Variants in DLG2 observed in about 807,000 individuals in gnomAD.
DLG2 encodes the protein discs large MAGUK scaffold protein 2.
Under a neutral mutation model 132.5 loss-of-function variants are expected in DLG2, and 45 were observed. The ratio of observed to expected loss-of-function variants is 0.34; its 90% CI spans 0.27 to 0.44. The LOEUF is 0.44. Among genes scored for constraint, DLG2 ranks in the 20% least tolerant of loss-of-function variants. The probability of loss-of-function intolerance (pLI) is 1.00; values close to 1 mark genes in which losing one functional copy is unlikely to be tolerated. For synonymous variants in DLG2, 424 were observed against 419.6 expected (o/e 1.01, Z -0.13); for missense variants, 1,045 against 1,196.9 (o/e 0.87, Z 1.87).
At chr11:84,734,961 A>G (rs2063635981) in intron 6 of DLG2, among the ~76,000 whole-genome samples, 1 of 152,272 alleles carries the variant, frequency 6.6e-6, no homozygotes, top group East Asian at 1.9e-4. Flanking sequence ...CGTATGTTGA[A>G]CCAGCCTTGC....
At chr11:85,012,828 A>C (rs2059260817) in intron 6 of DLG2, among the ~76,000 whole-genome samples, 2 of 152,170 alleles carry the variant, frequency 1.3e-5, no homozygotes, top group Non-Finnish European at 2.9e-5. Context: ...TTTGGAGTAT[A>C]AAAAACTTGA....
chr11:84,830,960 C>CCG lies in DLG2; in HGVS notation c.357+280700_357+280701insCG, dbSNP rs1555246492. 1.0e-4 allele frequency among the ~76,000 whole-genome samples: 11 copies of CCG among 106,022 alleles called. 1 individual carries two copies. The South Asian group carries it at 4.3e-3, about 42-fold the overall frequency. 69.6% of individuals were successfully genotyped at this position (106,022 alleles called of 152,430 possible). On this transcript the variant is annotated intron_variant, in intron 6 of 27. Coordinates refer to ENST00000376104, the MANE Select transcript of DLG2 (RefSeq NM_001142699.3). ...CAGTCTCTCTCTCTCCTCCCCCCACCCCCCCCAGCTCTGTCTCTATTTCTT... is the reference window on the plus strand; with the variant it reads ...CAGTCTCTCTCTCTCCTCCCCCCACCCGCCCCCCAGCTCTGTCTCTATTTCTT...
At position 83,780,944 on chromosome 11, in the gene DLG2, A is replaced by G. The variant is rs187555851; in HGVS notation, c.1825+5746T>C. Reference sequence around the variant, plus strand: ...CAGGGTCTCCAAGTATGTTAGGGCAACGCCTCACAAACTCTAATGTGCATA... The same window carrying G: ...CAGGGTCTCCAAGTATGTTAGGGCAGCGCCTCACAAACTCTAATGTGCATA... On this transcript the variant is annotated intron_variant, in intron 18 of 27. Coordinates refer to ENST00000376104, the MANE Select transcript of DLG2 (RefSeq NM_001142699.3). Among the ~76,000 whole-genome samples, 16 of 152,232 alleles carry G rather than the reference A, an allele frequency of 1.1e-4. No individual in the cohort carries two copies. In the East Asian group the frequency reaches 2.7e-3, roughly 26 times the overall value.
At chr11:85,600,222 C>G (rs1325380329) in intron 2 of DLG2, among the ~76,000 whole-genome samples, 3 of 152,158 alleles carry the variant, frequency 2.0e-5, no homozygotes, top group Non-Finnish European at 4.4e-5. Context: ...CTCTCTTGAG[C>G]ACTGGAATAT....
At chr11:85,242,541 A>G (rs1487142834) in intron 4 of DLG2, among the ~76,000 whole-genome samples, 3 of 150,922 alleles carry the variant, frequency 2.0e-5, no homozygotes, top group African/African-American at 4.9e-5. Flanking sequence ...TGGTACCTCA[A>G]TTTCTATTCT....
intron 7 of DLG2, among the ~76,000 whole-genome samples, chr11:84,262,630 G>C (rs1453412317): frequency 6.6e-6 from 1 of 151,938 alleles, no homozygotes; most frequent in South Asian, 2.1e-4. Context: ...CGCATCACTC[G>C]AGCAGTATAC....
chr11:83,521,794 G>A (rs1295793646), intron 21 of DLG2, among the ~76,000 whole-genome samples: 2 of 151,972 alleles, frequency 1.3e-5, no homozygotes, highest in East Asian at 3.9e-4. Flanking sequence ...CAATTCCTAG[G>A]ATGTAGGCTC....
At chr11:84,398,176 AAT>A (rs1297041230) in intron 7 of DLG2, among the ~76,000 whole-genome samples, 1 of 152,216 alleles carries the variant, frequency 6.6e-6, no homozygotes, top group Non-Finnish European at 1.5e-5. Context: ...TCGAAAAACA[AAT>A]ATGATTGTGA....
chr11:85,289,717 C>T (rs890047613), intron 3 of DLG2, among the ~76,000 whole-genome samples: 5 of 152,050 alleles, frequency 3.3e-5, no homozygotes, highest in East Asian at 1.9e-4. Flanking sequence ...CTATATTTAA[C>T]GATGTTGCAA....
intron 4 of DLG2, among the ~76,000 whole-genome samples, chr11:85,240,042 A>G (rs1048309663): frequency 1.3e-5 from 2 of 151,848 alleles, no homozygotes; most frequent in African/African-American, 2.4e-5. Flanking sequence ...GCTATTCTAC[A>G]TCTCCTTCTT....
intron 8 of DLG2, among the ~76,000 whole-genome samples, chr11:84,243,472 G>A (rs922618661): frequency 6.6e-6 from 1 of 152,174 alleles, no homozygotes; most frequent in Non-Finnish European, 1.5e-5. Context: ...TATCTCAACT[G>A]CAGGCCAAAA....
chr11:85,021,456 A>T, intron 6 of DLG2: 1 of 1,417,640 alleles, frequency 7.1e-7, no homozygotes, highest in African/African-American at 1.4e-5. Context: ...CTCCTGCTAC[A>T]GCAGCCCGGG....
At chr11:85,134,624 AATT>A (rs1290779188) in intron 5 of DLG2, among the ~76,000 whole-genome samples, 1 of 150,072 alleles carries the variant, frequency 6.7e-6, no homozygotes, top group South Asian at 2.1e-4. Flanking sequence ...ACTTTTCATG[AATT>A]ATTGAGGTTC....
intron 19 of DLG2, among the ~76,000 whole-genome samples, chr11:83,571,344 T>TA (rs5793073): frequency 0.48 from 71,682 of 150,304 alleles, 17,593 homozygotes; most frequent in Admixed American, 0.57. Context: ...AGTTAAAAAT[T>TA]AAAAAAAAAA....
rs144925421 is a variant in DLG2 at position 84,488,078 on chromosome 11, T to C, written c.519+46492A>G. ...TCTTTGTGTTCTCTTTCTCTCACTTTACTGAAAGAAACTTCCAGCATTGCC... is the reference window on the plus strand; with the variant it reads ...TCTTTGTGTTCTCTTTCTCTCACTTCACTGAAAGAAACTTCCAGCATTGCC... On this transcript the variant is annotated intron_variant, in intron 7 of 27. Transcript: ENST00000376104. Among the ~76,000 whole-genome samples, 707 of 152,278 alleles carry C rather than the reference T, an allele frequency of 4.6e-3. 3 individuals carry two copies. Among genetic ancestry groups the C allele is most frequent in the Non-Finnish European group, 6.8e-3 (465 of 68,020 alleles).
intron 10 of DLG2, among the ~76,000 whole-genome samples, chr11:84,090,369 G>A (rs778245085): frequency 2.2e-5 from 3 of 134,704 alleles, no homozygotes; most frequent in Non-Finnish European, 4.5e-5. Flanking sequence ...AGCCAAGATC[G>A]CACCATTGCA....
At chr11:84,148,240 T>C (rs867903156) in intron 9 of DLG2, among the ~76,000 whole-genome samples, 2 of 152,294 alleles carry the variant, frequency 1.3e-5, no homozygotes, top group African/African-American at 4.8e-5. Flanking sequence ...TTACTGTAGA[T>C]TCCAGGGGAC....
At chr11:84,807,108 A>G (rs2076081890) in intron 6 of DLG2, among the ~76,000 whole-genome samples, 1 of 152,160 alleles carries the variant, frequency 6.6e-6, no homozygotes, top group South Asian at 2.1e-4. Context: ...GCAAAATAAA[A>G]AAGCAGAGAA....
At chr11:84,287,749 C>T (rs1379315837) in intron 7 of DLG2, among the ~76,000 whole-genome samples, 1 of 148,468 alleles carries the variant, frequency 6.7e-6, no homozygotes, top group Non-Finnish European at 1.5e-5. Flanking sequence ...TAGACACACA[C>T]ACACACACAC....
Sources: gnomAD v4.1 joint callset for allele counts (sites outside exome capture counted in the v4.1 genomes callset) on GRCh38, gnomAD v4.1.1 for gene constraint, MANE v1.5 for transcripts, NCBI Gene and HGNC (gene_info 2026-07-23, HGNC 2026-07-21) for gene names.